FBXO4: variants seen among roughly 807,000 people sequenced by gnomAD.
FBXO4 encodes the protein F-box protein 4.
In FBXO4, 36 loss-of-function variants were observed where a neutral mutation model predicts 43.7. The observed-to-expected ratio is 0.82, with a 90% confidence interval of 0.63 to 1.09. The LOEUF (loss-of-function observed/expected upper bound fraction) is 1.09. FBXO4 is among the 50% of genes least tolerant of loss of function. The pLI is 0.00. For missense variants in FBXO4, 435 were observed against 474.1 expected (o/e 0.92, Z 0.77); for synonymous variants, 180 against 165.6 (o/e 1.09, Z -0.67).
chr5:41,991,500 T>G, the FBXO4 span, among the ~76,000 whole-genome samples: 1 of 152,238 alleles, frequency 6.6e-6, no homozygotes, highest in African/African-American at 2.4e-5. Context: ...TCTGGGCTCC[T>G]AAACATTGGT....
chr5:41,959,295 C>A, the FBXO4 span, among the ~76,000 whole-genome samples: 8 of 152,084 alleles, frequency 5.3e-5, no homozygotes, highest in Non-Finnish European at 1.2e-4. Flanking sequence ...GATATTAACT[C>A]CTTATGAGAT....
the FBXO4 span, among the ~76,000 whole-genome samples, chr5:41,993,086 G>A: frequency 3.3e-5 from 5 of 152,078 alleles, no homozygotes; most frequent in South Asian, 2.1e-4. Flanking sequence ...TTACTTAGTA[G>A]CATTAGTTTT....
the FBXO4 span, among the ~76,000 whole-genome samples, chr5:41,999,471 A>C: frequency 3.7e-5 from 1 of 27,278 alleles, no homozygotes; most frequent in African/African-American, 8.5e-5. Context: ...GTGTGTATAT[A>C]TATATACACA....
chr5:41,990,632 A>G, the FBXO4 span, among the ~76,000 whole-genome samples: 1 of 152,212 alleles, frequency 6.6e-6, no homozygotes, highest in African/African-American at 2.4e-5. Context: ...TACAAATTTT[A>G]GTTATTATCA....
chr5:41,927,023 A>G lies in FBXO4; in HGVS notation c.200A>G (p.Gln67Arg). The G allele has an allele frequency of 6.3e-7, 1 of 1,599,446 alleles. No individual in the cohort carries two copies. The highest frequency in any genetic ancestry group is 8.5e-7 in the Non-Finnish European group (1 of 1,173,770). The change falls in exon 2 of 7, where the codon CAG becomes CGG. Residue 67 changes from glutamine (Q) to arginine (R), a missense_variant. Physicochemically the swap from Gln to Arg is conservative, Grantham distance 43. Transcript: ENST00000281623. ...TTTCTTCTGTTTCAGATTGATGTAC[A>G]GCTATATATTTTGTCCTTTCTTTCA... ...STLTRLPIDV[Q>R]LYILSFLSPH...
At chr5:42,014,549 A>G in the FBXO4 span, among the ~76,000 whole-genome samples, 1 of 152,188 alleles carries the variant, frequency 6.6e-6, no homozygotes, top group Admixed American at 6.5e-5. Flanking sequence ...CCATTTGCCA[A>G]TACTAGAGTT....
At chr5:41,997,767 A>C in the FBXO4 span, among the ~76,000 whole-genome samples, 1 of 152,098 alleles carries the variant, frequency 6.6e-6, no homozygotes, top group Admixed American at 6.5e-5. Context: ...CCCTTTCCCC[A>C]GTGTGCAATT....
At chr5:41,985,101 C>T in the FBXO4 span, among the ~76,000 whole-genome samples, 2 of 152,188 alleles carry the variant, frequency 1.3e-5, no homozygotes, top group African/African-American at 4.8e-5. Flanking sequence ...TTCAGTCTCA[C>T]ACACTTTTTT....
intron 5 of FBXO4, among the ~76,000 whole-genome samples, chr5:41,937,090 A>AGG (rs1460362883): frequency 6.6e-6 from 1 of 152,164 alleles, no homozygotes; most frequent in African/African-American, 2.4e-5. Flanking sequence ...AGGGAGAGAG[A>AGG]AAAGGGGAAA....
the FBXO4 span, among the ~76,000 whole-genome samples, chr5:42,008,453 T>C: frequency 5.9e-5 from 9 of 152,272 alleles, no homozygotes; most frequent in Non-Finnish European, 1.2e-4. Flanking sequence ...TGTTTTGATA[T>C]GCACCATGGA....
chr5:41,929,965 C>G (rs1205817315), intron 3 of FBXO4, 48 bp downstream of exon 3: 1 of 1,346,308 alleles, frequency 7.4e-7, no homozygotes, highest in Non-Finnish European at 1.0e-6. Flanking sequence ...TTGAGCTTGA[C>G]ATTCTTGTTA....
At chr5:41,978,453 A>AAAC in the FBXO4 span, among the ~76,000 whole-genome samples, 2 of 152,326 alleles carry the variant, frequency 1.3e-5, no homozygotes, top group African/African-American at 4.8e-5. Flanking sequence ...AGAAAGAAGA[A>AAAC]AACAGAAAAG....
chr5:41,947,518 G>A, the FBXO4 span, among the ~76,000 whole-genome samples: 4 of 152,242 alleles, frequency 2.6e-5, no homozygotes, highest in African/African-American at 7.2e-5. Flanking sequence ...AGTGTATTTT[G>A]TGGAAGTTAA....
chr5:41,930,649 T>TC (rs1258246106), intron 3 of FBXO4, among the ~76,000 whole-genome samples: 2 of 150,014 alleles, frequency 1.3e-5, no homozygotes, highest in African/African-American at 5.1e-5. Flanking sequence ...GAACTACATT[T>TC]TTTTCTTTCT....
At chr5:41,996,006 C>A in the FBXO4 span, among the ~76,000 whole-genome samples, 1 of 152,188 alleles carries the variant, frequency 6.6e-6, no homozygotes, top group African/African-American at 2.4e-5. Flanking sequence ...GCCTGCATAT[C>A]ATGCAGAACC....
the FBXO4 span, among the ~76,000 whole-genome samples, chr5:41,956,608 G>C: frequency 6.6e-6 from 1 of 150,826 alleles, no homozygotes; most frequent in Non-Finnish European, 1.5e-5. Context: ...TTTTCCCCCA[G>C]CAATTTAAAG....
chr5:42,030,902 A>T, the FBXO4 span, among the ~76,000 whole-genome samples: 2,492 of 152,322 alleles, frequency 0.016, 35 homozygotes, highest in Non-Finnish European at 0.027. Context: ...TCAAAACCAC[A>T]ATGAGATACC....
At chr5:41,980,740 A>G in the FBXO4 span, among the ~76,000 whole-genome samples, 1 of 152,004 alleles carries the variant, frequency 6.6e-6, no homozygotes, top group Non-Finnish European at 1.5e-5. Flanking sequence ...AATATATGAG[A>G]ACCACTTTAG....
the FBXO4 span, among the ~76,000 whole-genome samples, chr5:41,948,674 T>C: frequency 6.6e-6 from 1 of 152,190 alleles, no homozygotes; most frequent in Admixed American, 6.5e-5. Flanking sequence ...TTAAAAGAAA[T>C]TAAGATAGTC....
Sources: allele counts gnomAD v4.1 joint callset (sites outside exome capture counted in the v4.1 genomes callset), GRCh38; gene constraint gnomAD v4.1.1; transcripts MANE v1.5; gene names NCBI Gene and HGNC (gene_info 2026-07-23, HGNC 2026-07-21).